Variants in CORO2B observed in about 807,000 individuals in gnomAD.
The protein encoded by CORO2B is coronin-2B.
A neutral mutation model predicts 58.8 loss-of-function variants in CORO2B; 26 were observed. The ratio of observed to expected loss-of-function variants is 0.44; its 90% confidence interval spans 0.32 to 0.61. CORO2B has a LOEUF of 0.61. CORO2B is among the 20% of genes least tolerant of loss of function. The pLI, the probability that CORO2B is intolerant of heterozygous loss-of-function variation, is 0.04. For missense variants in CORO2B, 460 were observed against 645.1 expected (o/e 0.71, Z 3.11); for synonymous variants, 242 against 253.8 (o/e 0.95, Z 0.44).
chr15:68,565,650 G>A, the CORO2B span, among the ~76,000 whole-genome samples: 2 of 152,016 alleles, frequency 1.3e-5, no homozygotes, highest in Non-Finnish European at 2.9e-5. Flanking sequence ...TCATTGTATA[G>A]TGGACGGGAT....
Position 68,705,436 on chromosome 15 carries a change from C to CAAAAAAAAAA in CORO2B, c.334-5287_334-5278dup, listed in dbSNP as rs35973911. On this transcript the variant is annotated intron_variant, in intron 3 of 11. Transcript: ENST00000261861. ...CTGGGCAAAAGGTGAAACTCTATCT[C>CAAAAAAAAAA]AAAAAAAAAAAAAAAAAAGAAAGTA... Among the ~76,000 whole-genome samples, 16 of 112,812 alleles carry CAAAAAAAAAA rather than the reference C, an allele frequency of 1.4e-4. 1 individual carries two copies. Among genetic ancestry groups the CAAAAAAAAAA allele is most frequent in the African/African-American group, 5.0e-4 (14 of 28,092 alleles). 74.0% of individuals were successfully genotyped at this position (112,812 alleles called of 152,430 possible).
intron 1 of CORO2B, among the ~76,000 whole-genome samples, chr15:68,596,030 G>C (rs1899821747): frequency 6.6e-6 from 1 of 152,066 alleles, no homozygotes; most frequent in Non-Finnish European, 1.5e-5. Context: ...GTCGGGGGCT[G>C]GGAAGGTGAT....
At chr15:68,530,217 C>T in the CORO2B span, among the ~76,000 whole-genome samples, 4 of 151,988 alleles carry the variant, frequency 2.6e-5, no homozygotes, top group African/African-American at 4.8e-5. Flanking sequence ...CCCAGCTACG[C>T]GGGAGGCTGA....
chr15:68,611,539 T>C (rs1900247156), intron 1 of CORO2B, among the ~76,000 whole-genome samples: 1 of 152,204 alleles, frequency 6.6e-6, no homozygotes, highest in Non-Finnish European at 1.5e-5. Flanking sequence ...TTTTTATCTC[T>C]GTTTGGATAT....
At chr15:68,644,345 G>T (rs1257508097) in intron 1 of CORO2B, among the ~76,000 whole-genome samples, 3 of 152,174 alleles carry the variant, frequency 2.0e-5, no homozygotes, top group African/African-American at 7.2e-5. Context: ...AGTAGGTCTA[G>T]ATTGGGACCC....
the CORO2B span, among the ~76,000 whole-genome samples, chr15:68,572,073 G>A: frequency 6.6e-6 from 1 of 152,198 alleles, no homozygotes; most frequent in Non-Finnish European, 1.5e-5. Flanking sequence ...GGGGCATCTG[G>A]GAAGGGGCTG....
At chr15:68,629,883 T>G (rs1900780577) in intron 1 of CORO2B, among the ~76,000 whole-genome samples, 2 of 152,140 alleles carry the variant, frequency 1.3e-5, no homozygotes. Context: ...TATGTCTAAG[T>G]GGACACCTTG....
At chr15:68,556,012 G>A in the CORO2B span, among the ~76,000 whole-genome samples, 3 of 152,266 alleles carry the variant, frequency 2.0e-5, no homozygotes, top group African/African-American at 7.2e-5. Context: ...GCTGGGTTCA[G>A]AGAAAGAAGG....
chr15:68,632,353 T>C lies in CORO2B; in HGVS notation c.16-12807T>C, dbSNP rs1900863854. The C allele has an allele frequency of 9.1e-6, 9 of 985,396 alleles. No homozygotes were observed. In the South Asian group the frequency reaches 2.8e-4, roughly 31 times the overall value. 61.0% of individuals were successfully genotyped at this position (985,396 alleles called of 1,614,324 possible). A position where few individuals can be genotyped will look rare whatever the true frequency, so the allele number is the denominator to read the frequency against. On this transcript the variant is annotated intron_variant, in intron 1 of 11. Coordinates refer to ENST00000261861, the MANE Select transcript of CORO2B (RefSeq NM_006091.5). Reference sequence around the variant, plus strand: ...AGGAGCCCCACCTGGTAGGTAGCAGTGATAAAACGCATTCAGCTCGGTCCA... The same window carrying C: ...AGGAGCCCCACCTGGTAGGTAGCAGCGATAAAACGCATTCAGCTCGGTCCA...
At chr15:68,649,274 T>C (rs1013383287) in intron 2 of CORO2B, among the ~76,000 whole-genome samples, 1 of 152,238 alleles carries the variant, frequency 6.6e-6, no homozygotes, top group Non-Finnish European at 1.5e-5. Context: ...TGCTGTAATA[T>C]ATTTTATTTA....
chr15:68,540,738 CT>C, the CORO2B span, among the ~76,000 whole-genome samples: 3 of 151,398 alleles, frequency 2.0e-5, no homozygotes, highest in Admixed American at 1.3e-4. Context: ...GTAAAGTTGG[CT>C]TTTTTTTTAA....
At chr15:68,721,259 G>C (rs1893153192) in intron 11 of CORO2B, among the ~76,000 whole-genome samples, 1 of 152,148 alleles carries the variant, frequency 6.6e-6, no homozygotes, top group Non-Finnish European at 1.5e-5. Context: ...GAGATTGGCA[G>C]GTAACTTGAT....
the CORO2B span, among the ~76,000 whole-genome samples, chr15:68,541,455 T>C: frequency 6.6e-6 from 1 of 152,150 alleles, no homozygotes; most frequent in Non-Finnish European, 1.5e-5. Flanking sequence ...TAGAGTAGTT[T>C]GGATGGAGGA....
chr15:68,535,963 A>G, the CORO2B span, among the ~76,000 whole-genome samples: 1 of 150,192 alleles, frequency 6.7e-6, no homozygotes, highest in South Asian at 2.1e-4. Flanking sequence ...TTGGCTTTTA[A>G]TAATGTTATG....
intron 1 of CORO2B, among the ~76,000 whole-genome samples, chr15:68,633,394 T>C (rs1900911311): frequency 6.6e-6 from 1 of 152,132 alleles, no homozygotes. Flanking sequence ...AACCCATTGA[T>C]TTCCTCAGTA....
chr15:68,596,569 G>A (rs1344992454), intron 1 of CORO2B, among the ~76,000 whole-genome samples: 1 of 152,144 alleles, frequency 6.6e-6, no homozygotes, highest in Non-Finnish European at 1.5e-5. Flanking sequence ...CCATAAGGCT[G>A]GCCTGTGCTA....
intron 11 of CORO2B, 133 bp from the exon 12 acceptor site, chr15:68,725,710 T>C (rs1893277895): frequency 9.1e-7 from 1 of 1,099,286 alleles, no homozygotes; most frequent in Non-Finnish European, 1.3e-6. Context: ...GGAGAATAAA[T>C]GTATCAAGCA....
upstream of CORO2B, among the ~76,000 whole-genome samples, chr15:68,575,577 G>GCTCCCCCCCCCCCCC (rs370419859): frequency 2.6e-5 from 1 of 38,752 alleles, no homozygotes; most frequent in African/African-American, 6.6e-5. Flanking sequence ...CTTGTGATCT[G>GCTCCCCCCCCCCCCC]CCCCCGCCTC....
intron 1 of CORO2B, among the ~76,000 whole-genome samples, chr15:68,631,083 G>A (rs1233505669): frequency 6.6e-6 from 1 of 152,126 alleles, no homozygotes; most frequent in East Asian, 1.9e-4. Flanking sequence ...GGGGGTGCTG[G>A]GAATGGCAGG....
Sources: gnomAD v4.1 joint callset for allele counts (sites outside exome capture counted in the v4.1 genomes callset) on GRCh38, gnomAD v4.1.1 for gene constraint, MANE v1.5 for transcripts, NCBI Gene and HGNC (gene_info 2026-07-23, HGNC 2026-07-21) for gene names.